GATM: variants seen among roughly 807,000 people sequenced by gnomAD.
GATM encodes the protein glycine amidinotransferase.
GATM carries 23 observed loss-of-function variants against 54.2 expected under a neutral mutation model. The observed-to-expected ratio is 0.42, with a 90% CI of 0.31 to 0.60. The LOEUF (loss-of-function observed/expected upper bound fraction) is 0.60, where lower values mean the gene tolerates loss of function less well. Among genes scored for constraint, GATM ranks in the 20% least tolerant of loss-of-function variants. The pLI is 0.14. For synonymous variants in GATM, 168 were observed against 183.1 expected (o/e 0.92, Z 0.67); for missense variants, 401 against 544.9 (o/e 0.74, Z 2.63).
chr15:45,368,117 A>C lies in GATM; in HGVS notation c.628T>G (p.Trp210Gly). The change falls in exon 4 of 9, where the codon TGG (tryptophan) becomes GGG (glycine). Residue 210 changes from tryptophan (W) to glycine (G), a missense_variant. This residue lies in a region of GATM where 321 missense variants were observed against 457.5 expected (regional missense o/e 0.70). Coordinates refer to ENST00000396659, the MANE Select transcript of GATM (RefSeq NM_001482.3). This position sits in a 1 kb window ranked among gnomAD's most constrained non-coding sequence, Gnocchi z 5.1. Reference sequence around the variant, plus strand: ...ATTGTGGGCTTAGGAGCTGTTGTCCACTTGGCGCCACGGTGGAAGTAGTCT... The same window carrying C: ...ATTGTGGGCTTAGGAGCTGTTGTCCCCTTGGCGCCACGGTGGAAGTAGTCT... ...IKDYFHRGAK[W>G]TTAPKPTMAD... 1 of 1,614,130 alleles carries C rather than the reference A, an allele frequency of 6.2e-7. No homozygotes were observed. The highest frequency in any genetic ancestry group is 8.5e-7 in the Non-Finnish European group (1 of 1,180,022).
intron 2 of GATM, among the ~76,000 whole-genome samples, chr15:45,375,276 A>G (rs1889612947): frequency 6.6e-6 from 1 of 152,090 alleles, no homozygotes; most frequent in Non-Finnish European, 1.5e-5. Flanking sequence ...TCACCGTGTT[A>G]GCCAGGATGG....
exon 3 of GATM, chr15:45,397,015 G>A (rs1889942782): frequency 6.6e-6 from 1 of 150,954 alleles, no homozygotes; most frequent in African/African-American, 2.4e-5. Flanking sequence ...CAATTCTTCT[G>A]CTTGGTTTCT....
intron 2 of GATM, among the ~76,000 whole-genome samples, chr15:45,370,023 A>G (rs1395507537): frequency 1.3e-5 from 2 of 152,186 alleles, no homozygotes; most frequent in African/African-American, 4.8e-5. Flanking sequence ...GGGAAAAAAA[A>G]AGATATTTTG....
chr15:45,378,310 C>A, intron 1 of GATM, 75 bp downstream of exon 1: 1 of 1,189,438 alleles, frequency 8.4e-7, no homozygotes. Context: ...GGGCAGGGAG[C>A]GAGCGAGTGC....
chr15:45,387,475 G>C (rs774855788), intron 3 of GATM, among the ~76,000 whole-genome samples: 1 of 150,638 alleles, frequency 6.6e-6, no homozygotes, highest in Non-Finnish European at 1.5e-5. Context: ...CAAACCTTCT[G>C]TAACATCTCC....
intron 4 of GATM, among the ~76,000 whole-genome samples, chr15:45,367,656 T>A (rs753502145): frequency 2.0e-5 from 3 of 152,222 alleles, no homozygotes; most frequent in African/African-American, 7.2e-5. Flanking sequence ...ATTTGAACTG[T>A]AGATCAGGTT....
chr15:45,373,291 A>C (rs1164658899), intron 2 of GATM: 1 of 151,742 alleles, frequency 6.6e-6, no homozygotes. Context: ...AGGTCAGGAG[A>C]TCGAGACCAT....
At chr15:45,369,270 TAAGA>T in intron 3 of GATM, 52 bp downstream of exon 3, 1 of 1,514,812 alleles carries the variant, frequency 6.6e-7, no homozygotes, top group South Asian at 1.1e-5. Flanking sequence ...CCTTACACAT[TAAGA>T]AAGAAATTGA....
chr15:45,393,091 A>G (rs781766646), intron 3 of GATM, among the ~76,000 whole-genome samples: 3 of 152,264 alleles, frequency 2.0e-5, no homozygotes, highest in Non-Finnish European at 4.4e-5. Flanking sequence ...TGGTATTCCC[A>G]GCATATAGCA....
intron 3 of GATM, among the ~76,000 whole-genome samples, chr15:45,386,728 C>T (rs943908320): frequency 5.9e-4 from 90 of 152,126 alleles, no homozygotes; most frequent in Non-Finnish European, 1.0e-4. Context: ...CTAGCTGGGC[C>T]CTGGGAATTG....
chr15:45,400,802 A>G (rs776306186), intron 1 of GATM, among the ~76,000 whole-genome samples: 12 of 152,204 alleles, frequency 7.9e-5, no homozygotes, highest in Non-Finnish European at 1.3e-4. Context: ...ATCCCTTTAC[A>G]TATTTAAGAC....
intron 4 of GATM, 145 bp downstream of exon 4, chr15:45,367,925 T>C: frequency 1.5e-6 from 1 of 682,960 alleles, no homozygotes; most frequent in South Asian, 1.9e-5. Context: ...ATATTCATCA[T>C]AAAATAATCA....
upstream of GATM, chr15:45,378,571 T>A: frequency 1.4e-6 from 1 of 723,950 alleles, no homozygotes; most frequent in Non-Finnish European, 2.0e-6. Context: ...CCCGAGGCCT[T>A]TTGTAGCCGC....
At chr15:45,382,653 C>T (rs947045294), upstream of GATM, among the ~76,000 whole-genome samples, 8 of 148,868 alleles carry the variant, frequency 5.4e-5, no homozygotes, top group South Asian at 1.1e-3. Flanking sequence ...ATTAGCCAGG[C>T]GTGTTGGTGC....
chr15:45,393,428 A>G (rs539281867), intron 3 of GATM, among the ~76,000 whole-genome samples: 1 of 152,210 alleles, frequency 6.6e-6, no homozygotes, highest in African/African-American at 2.4e-5. Context: ...TAAAAAAAAA[A>G]AATAGTTCCA....
At chr15:45,366,305 T>C in intron 5 of GATM, 66 bp downstream of exon 5, 4 of 1,607,788 alleles carry the variant, frequency 2.5e-6, no homozygotes, top group Non-Finnish European at 3.4e-6. Flanking sequence ...AGGATGAAAA[T>C]ATTTTAATTT....
At chr15:45,365,402 T>G (rs2140640560) in intron 6 of GATM, among the ~76,000 whole-genome samples, 1 of 152,280 alleles carries the variant, frequency 6.6e-6, no homozygotes, top group South Asian at 2.1e-4. Context: ...TAAAATGAAA[T>G]GAATAAGTAG....
intron 3 of GATM, among the ~76,000 whole-genome samples, chr15:45,396,607 A>ATGACCCGCC: frequency 6.6e-6 from 1 of 152,152 alleles, no homozygotes; most frequent in African/African-American, 2.4e-5. Flanking sequence ...ACAGTGGCTC[A>ATGACCCGCC]CACCTGTAAT....
At chr15:45,372,392 A>C (rs1889558660) in intron 2 of GATM, among the ~76,000 whole-genome samples, 1 of 152,242 alleles carries the variant, frequency 6.6e-6, no homozygotes, top group Non-Finnish European at 1.5e-5. Flanking sequence ...AAATGTTATC[A>C]TCATTAAACA....
Sources: gnomAD v4.1 joint callset for allele counts (sites outside exome capture counted in the v4.1 genomes callset) on GRCh38, gnomAD v4.1.1 for gene constraint, gnomAD v4.1.1 regional missense constraint, Gnocchi (gnomAD v3.1) non-coding constraint, MANE v1.5 for transcripts, NCBI Gene and HGNC (gene_info 2026-07-23, HGNC 2026-07-21) for gene names.